ARHGAP9: variants seen among roughly 807,000 people sequenced by gnomAD.
ARHGAP9 encodes rho GTPase-activating protein 9.
In ARHGAP9, 76 loss-of-function variants were observed where a neutral mutation model predicts 87.3. That is an observed-to-expected ratio of 0.87 (90% CI 0.72 to 1.05). The LOEUF is 1.05. Ranked by LOEUF, ARHGAP9 falls within the 50% of genes least tolerant of loss-of-function variation. The pLI, the probability that ARHGAP9 is intolerant of heterozygous loss-of-function variation, is 0.00. For synonymous variants in ARHGAP9, 382 were observed against 394.9 expected, an observed-to-expected ratio of 0.97 and a Z score of 0.39; for missense variants, 941 against 960.5, an observed-to-expected ratio of 0.98 and a Z score of 0.27.
At chr12:57,479,512 C>T in intron 1 of ARHGAP9, 88 bp from the exon 2 acceptor site, 1 of 1,508,236 alleles carries the variant, frequency 6.6e-7, no homozygotes, top group Non-Finnish European at 8.8e-7. Context: ...AGCAGTGTTG[C>T]AGGGAGGTGA....
In ARHGAP9 at chr12:57,477,220, A is replaced by G. The variant is rs761802342; in HGVS notation, c.806T>C (p.Val269Ala). 1.2e-6 allele frequency: 2 copies of G among 1,603,746 alleles called. No individual in the cohort carries two copies. The highest frequency in any genetic ancestry group is 1.7e-5 in the Admixed American group (1 of 59,010). ...GAAGCCCTTTGCCTGAGGTTGCAGG[A>G]CATCATTGTTCCTCTTCAGGGTCTG... The part of the protein sequence containing the change: ...GTQTLKRNND[V>A]LQPQAKGFRS... Residue 269 changes from valine (V) to alanine (A), a missense_variant, in exon 5 of 18, where the codon GTC becomes GCC. Physicochemically the swap from Val to Ala is moderately conservative, Grantham distance 64 (BLOSUM62 0). Coordinates refer to ENST00000393791, the MANE Select transcript of ARHGAP9 (RefSeq NM_032496.4).
In ARHGAP9 at chr12:57,479,250, G is replaced by A; in HGVS notation, c.157C>T (p.Leu53=). Residue 53 remains leucine (L), a synonymous_variant, in exon 2 of 18, where the codon CTG becomes TTG. Coordinates refer to ENST00000393791, the MANE Select transcript of ARHGAP9 (RefSeq NM_032496.4). ...VSLAEGDRFL[L]LRKTNSDWWL... ...CAGTCGGAGTTGGTCTTTCGAAGCA[G>A]TAGGAACCTATCCCCTTCAGCCAGA... is the stretch of plus-strand genomic sequence containing the variant. 1.9e-6 allele frequency: 3 copies of A among 1,614,244 alleles called. No homozygotes were observed. In the South Asian group the frequency reaches 3.3e-5, roughly 18 times the overall value.
At chr12:57,478,054 G>T in intron 3 of ARHGAP9, 1 of 872,086 alleles carries the variant, frequency 1.1e-6, no homozygotes, top group Non-Finnish European at 1.5e-6. Context: ...GAAGGGAAGA[G>T]GAGCCCCTTT....
At chr12:57,488,404 C>T (rs1249332994) in intron 1 of ARHGAP9, 2 of 738,828 alleles carry the variant, frequency 2.7e-6, no homozygotes, top group Non-Finnish European at 4.4e-6. Flanking sequence ...TAATACCCTT[C>T]CCTTATCTCT....
chr12:57,480,339 A>T (rs961712353), upstream of ARHGAP9, among the ~76,000 whole-genome samples: 5 of 151,900 alleles, frequency 3.3e-5, no homozygotes, highest in African/African-American at 1.2e-4. Flanking sequence ...CTGTCACCAC[A>T]CCTGGCTAGT....
chr12:57,475,464 TC>T lies in ARHGAP9; in HGVS notation c.1444+18del. On this transcript the variant is annotated intron_variant, in intron 11 of 17. Transcript: ENST00000393791. Reference sequence around the variant, plus strand: ...CCTCGCTGCGCTCCCGGACTCTCCCTCCCCAGCCCGCGCCTCACTGGAGCTC... The same window carrying T: ...CCTCGCTGCGCTCCCGGACTCTCCCTCCCAGCCCGCGCCTCACTGGAGCTC... 1 of 1,584,250 alleles carries T rather than the reference TC, an allele frequency of 6.3e-7. No individual in the cohort carries two copies.
chr12:57,476,364 C>T lies in ARHGAP9; in HGVS notation c.1116G>A (p.Trp372Ter). ...TCCTGCGCCTCTCGCTCACACTCAC[C>T]CAGCCTGAGGAGGGCGCTGTCGGCG... Reference protein sequence around the residue: ...EPPPTAPSSGWGPAGSRPESS... With the variant: ...EPPPTAPSSG The change falls in exon 8 of 18, where the codon TGG becomes TGA. Residue 372 changes from tryptophan to a stop codon, truncating the protein, a stop_gained and splice_region_variant. Coordinates refer to ENST00000393791, the MANE Select transcript of ARHGAP9 (RefSeq NM_032496.4). LOFTEE classifies it high-confidence loss of function. 6.2e-7 allele frequency: 1 copy of T among 1,613,774 alleles called. No individual in the cohort carries two copies. Among genetic ancestry groups the T allele is most frequent in the Non-Finnish European group, 8.5e-7 (1 of 1,179,942 alleles).
intron 16 of ARHGAP9, 125 bp from the exon 17 acceptor site, chr12:57,473,833 T>C: frequency 8.3e-7 from 1 of 1,208,864 alleles, no homozygotes; most frequent in African/African-American, 1.5e-5. Flanking sequence ...GCTTTCTTTT[T>C]CACATAGCCC....
chr12:57,476,134 C>T lies in ARHGAP9; in HGVS notation c.1149G>A (p.Val383=), dbSNP rs1268635006. The T allele has an allele frequency of 6.5e-7, 1 of 1,543,564 alleles. No homozygotes were observed. The highest frequency in any genetic ancestry group is 8.7e-7 in the Non-Finnish European group (1 of 1,144,246). ...GPAGSRPESS[V]DLRGAALAHG... is the part of the protein sequence containing the mutation. The stretch of plus-strand genomic sequence containing the variant: ...GCGCCAGGGCCGCCCCGCGCAGGTC[C>T]ACGCTACTTTCGGGCCGGCTACCCG... Residue 383 remains valine (V), a synonymous_variant, in exon 9 of 18, where the codon GTG becomes GTA. Transcript: ENST00000393791.
upstream of ARHGAP9, chr12:57,480,812 T>C (rs748511545): frequency 2.6e-6 from 4 of 1,550,538 alleles, no homozygotes; most frequent in South Asian, 1.2e-5. Flanking sequence ...TCTCAGCTTC[T>C]CCACTGCACA....
chr12:57,486,534 T>C (rs942025659), intron 1 of ARHGAP9, among the ~76,000 whole-genome samples: 1 of 149,614 alleles, frequency 6.7e-6, no homozygotes, highest in African/African-American at 2.4e-5. Flanking sequence ...CCTCCCAACG[T>C]GCTGGGGTTA....
Position 57,472,500 on chromosome 12 carries a change from C to A in ARHGAP9, c.*17G>T, listed in dbSNP as rs1872160034. The A allele has an allele frequency of 1.2e-6, 2 of 1,612,822 alleles. No homozygotes were observed. The highest frequency in any genetic ancestry group is 1.7e-6 in the Non-Finnish European group (2 of 1,179,224). Reference sequence around the variant, plus strand: ...AGAGATGACCGGAAATATGTTTTCTCTTCTTCCTTCCCTGCATCAGGGGAA... The same window carrying A: ...AGAGATGACCGGAAATATGTTTTCTATTCTTCCTTCCCTGCATCAGGGGAA... On this transcript the variant is annotated 3_prime_UTR_variant, in exon 18 of 18. Transcript: ENST00000393791.
Position 57,476,396 on chromosome 12 carries a change from C to T in ARHGAP9, c.1084G>A (p.Glu362Lys), listed in dbSNP as rs750317066. ...GAGGAGGGCGCTGTCGGCGGTGGCT[C>T]TCGGTAGAACACCAGGCTGTTACCC... ...LTGNSLVFYREPPPTAPSSGW... is the reference protein window; with the variant it reads ...LTGNSLVFYRKPPPTAPSSGW... The change falls in exon 8 of 18, where the codon GAG becomes AAG. Residue 362 changes from glutamate (E) to lysine (K), a missense_variant. Glu to Lys is a moderately conservative substitution (Grantham distance 56). Transcript: ENST00000393791. 1.9e-6 allele frequency: 3 copies of T among 1,613,950 alleles called. No individual in the cohort carries two copies. Among genetic ancestry groups the T allele is most frequent in the Non-Finnish European group, 2.5e-6 (3 of 1,180,028 alleles).
Position 57,475,837 on chromosome 12 carries a change from C to T in ARHGAP9, c.1307G>A (p.Arg436Gln), listed in dbSNP as rs1265140455. 1 of 1,613,814 alleles carries T rather than the reference C, an allele frequency of 6.2e-7. No homozygotes were observed. The highest frequency in any genetic ancestry group is 8.5e-7 in the Non-Finnish European group (1 of 1,179,870). The part of the protein sequence containing the change: ...WHRALRTVIE[R>Q]LDRENPLELR... ...CCGGGCCTCCACCCATCTAACCAGCCGCTCGATGACAGTCCGCAGCGCGCG... is the reference window on the plus strand; with the variant it reads ...CCGGGCCTCCACCCATCTAACCAGCTGCTCGATGACAGTCCGCAGCGCGCG... Residue 436 changes from arginine to glutamine, a missense_variant, in exon 10 of 18, where the codon CGG becomes CAG. Coordinates refer to ENST00000393791, the MANE Select transcript of ARHGAP9 (RefSeq NM_032496.4).
At chr12:57,481,336 C>T (rs1314766767), upstream of ARHGAP9, among the ~76,000 whole-genome samples, 2 of 152,044 alleles carry the variant, frequency 1.3e-5, no homozygotes, top group Non-Finnish European at 2.9e-5. Flanking sequence ...CTGCAACCTC[C>T]GCTTTCCAGG....
At chr12:57,484,997 G>A (rs370202323) in intron 1 of ARHGAP9, among the ~76,000 whole-genome samples, 15 of 150,984 alleles carry the variant, frequency 9.9e-5, no homozygotes, top group Middle Eastern at 6.9e-3. Context: ...CCAGGCTGGA[G>A]TGCAATGGCA....
chr12:57,475,154 C>A, intron 12 of ARHGAP9, 137 bp downstream of exon 12: 3 of 1,128,180 alleles, frequency 2.7e-6, no homozygotes, highest in Non-Finnish European at 3.8e-6. Context: ...GGGTACAGGT[C>A]ACCCCAGCTT....
chr12:57,487,021 G>A (rs1258294745), intron 1 of ARHGAP9, among the ~76,000 whole-genome samples: 1 of 151,856 alleles, frequency 6.6e-6, no homozygotes, highest in Admixed American at 6.6e-5. Context: ...TTGTTGCCCA[G>A]GCTGGAGTGC....
chr12:57,486,641 T>G (rs1240198389), intron 1 of ARHGAP9, among the ~76,000 whole-genome samples: 3 of 145,588 alleles, frequency 2.1e-5, no homozygotes, highest in East Asian at 2.2e-4. Flanking sequence ...ATCCCAGCAC[T>G]TTGGGAGGCT....
Sources: allele counts gnomAD v4.1 joint callset (sites outside exome capture counted in the v4.1 genomes callset), GRCh38; gene constraint gnomAD v4.1.1; transcripts MANE v1.5; gene names NCBI Gene and HGNC (gene_info 2026-07-23, HGNC 2026-07-21).